Variants in ITPR2 observed in about 807,000 individuals in gnomAD.
ITPR2 encodes the protein inositol 1,4,5-trisphosphate-gated calcium channel ITPR2.
Under a neutral mutation model 317.1 loss-of-function variants are expected in ITPR2, and 207 were observed. The ratio of observed to expected loss-of-function variants is 0.65; its 90% CI spans 0.58 to 0.73. The LOEUF (loss-of-function observed/expected upper bound fraction) is 0.73. Ranked by LOEUF, ITPR2 falls within the 30% of genes least tolerant of loss-of-function variation. The pLI, the probability that ITPR2 is intolerant of heterozygous loss-of-function variation, is 0.00. For missense variants in ITPR2, 2,613 were observed against 3,284.0 expected, an observed-to-expected ratio of 0.80 and a Z score of 4.99; for synonymous variants, 1,156 against 1,149.1, an observed-to-expected ratio of 1.01 and a Z score of -0.12.
chr12:26,819,445 A>G (rs1398454182), intron 1 of ITPR2, among the ~76,000 whole-genome samples: 5 of 152,178 alleles, frequency 3.3e-5, no homozygotes, highest in Admixed American at 1.3e-4. Flanking sequence ...TTTTCCAAAC[A>G]CTTATTCTTG....
At chr12:26,348,368 C>T (rs1938371665) in intron 55 of ITPR2, among the ~76,000 whole-genome samples, 1 of 152,210 alleles carries the variant, frequency 6.6e-6, no homozygotes, top group Non-Finnish European at 1.5e-5. Context: ...TGTACCCCAG[C>T]ACCTCTGCTC....
At chr12:26,781,174 G>T (rs950986643) in intron 2 of ITPR2, among the ~76,000 whole-genome samples, 19 of 152,286 alleles carry the variant, frequency 1.2e-4, no homozygotes, top group African/African-American at 4.3e-4. Context: ...TGAAGGTTTG[G>T]GTTACTCCAC....
intron 39 of ITPR2, among the ~76,000 whole-genome samples, chr12:26,493,192 T>G (rs181308130): frequency 6.6e-6 from 1 of 152,254 alleles, no homozygotes; most frequent in East Asian, 1.9e-4. Flanking sequence ...AGCGTTGTTT[T>G]TGTCACCATG....
intron 37 of ITPR2, among the ~76,000 whole-genome samples, chr12:26,513,269 T>C (rs1339917256): frequency 6.6e-6 from 1 of 152,198 alleles, no homozygotes; most frequent in Non-Finnish European, 1.5e-5. Flanking sequence ...GAAAGCCATT[T>C]CCATCCTGCA....
At position 26,595,377 on chromosome 12, in the gene ITPR2, A is replaced by T. The variant is rs1945816606; in HGVS notation, c.4380+88T>A. ...GAATGCAACAAATCAAAAGGTAGTG[A>T]ATTTAACTGCAAGTTTTCATCCAGA... On this transcript the variant is annotated intron_variant, in intron 32 of 56. Transcript: ENST00000381340. 20 of 1,273,814 alleles carry T rather than the reference A, an allele frequency of 1.6e-5. No homozygotes were observed. In the Middle Eastern group the frequency reaches 5.6e-4, roughly 36 times the overall value. 78.9% of individuals were successfully genotyped at this position (1,273,814 alleles called of 1,614,324 possible).
At chr12:26,816,480 TG>T (rs1950854701) in intron 1 of ITPR2, among the ~76,000 whole-genome samples, 1 of 152,166 alleles carries the variant, frequency 6.6e-6, no homozygotes, top group Non-Finnish European at 1.5e-5. Flanking sequence ...CAAAAGCCCA[TG>T]TTAACTATAT....
Position 26,631,978 on chromosome 12 carries a change from A to G in ITPR2, c.2822T>C (p.Met941Thr). The G allele has an allele frequency of 1.2e-6, 2 of 1,613,650 alleles. No homozygotes were observed. The highest frequency in any genetic ancestry group is 4.5e-5 in the East Asian group (2 of 44,850). The change falls in exon 22 of 57, where the codon ATG (methionine) becomes ACG (threonine). Residue 941 changes from methionine (M) to threonine (T), a missense_variant. Physicochemically the swap from Met to Thr is moderately conservative, Grantham distance 81. Around this residue, in one of 9 missense-constraint regions of ITPR2, gnomAD observed 817 missense variants for 897.6 expected, o/e 0.91. Transcript: ENST00000381340. ...GCTGGGTGGCACATCCGGCACGCTC[A>G]TGGGGAAGATGGAGCCTCTACTGAG... ...MVLSRGSIFP[M>T]SVPDVPPSIH... is the part of the protein sequence containing the mutation.
At chr12:26,810,220 TC>T (rs1340070049) in intron 1 of ITPR2, among the ~76,000 whole-genome samples, 2 of 152,234 alleles carry the variant, frequency 1.3e-5, no homozygotes, top group Non-Finnish European at 2.9e-5. Context: ...ACTACCCCAT[TC>T]CTTTTTTAGT....
intron 37 of ITPR2, among the ~76,000 whole-genome samples, chr12:26,518,746 A>T (rs985184984): frequency 5.9e-5 from 9 of 152,154 alleles, no homozygotes; most frequent in Non-Finnish European, 4.4e-5. Context: ...AAATTTAACA[A>T]TTTTTTAAAA....
rs759277441 is a variant in ITPR2 at position 26,419,156 on chromosome 12, G to A, written c.7003C>T (p.Arg2335Cys). The change falls in exon 50 of 57, where the codon CGT becomes TGT. Residue 2335 changes from arginine (R) to cysteine (C), a missense_variant. Coordinates refer to ENST00000381340, the MANE Select transcript of ITPR2 (RefSeq NM_002223.4). ...SFVGNRGTFT[R>C]GYRAVILDMA... ...TCCAGGATGACTGCTCGGTACCCAC[G>A]GGTGAACGTGCCACGATTTCCAACA... 2.5e-6 allele frequency: 4 copies of A among 1,613,654 alleles called. No individual in the cohort carries two copies. The highest frequency in any genetic ancestry group is 2.5e-6 in the Non-Finnish European group (3 of 1,179,770).
chr12:26,523,537 A>T lies in ITPR2; in HGVS notation c.5073+26710T>A, dbSNP rs565670351. Among the ~76,000 whole-genome samples, 1,075 of 125,010 alleles carry T rather than the reference A, an allele frequency of 8.6e-3. 8 individuals carry two copies. The highest frequency in any genetic ancestry group is 0.035 in the Middle Eastern group (8 of 226). 82.0% of individuals were successfully genotyped at this position (125,010 alleles called of 152,430 possible). ...ATGGCAAAATCTTTTTTTTTTTTTTAAAAAGCCTACTGCTAACTGTCTGTA... is the reference window on the plus strand; with the variant it reads ...ATGGCAAAATCTTTTTTTTTTTTTTTAAAAGCCTACTGCTAACTGTCTGTA... On this transcript the variant is annotated intron_variant, in intron 37 of 56. Coordinates refer to ENST00000381340, the MANE Select transcript of ITPR2 (RefSeq NM_002223.4).
intron 10 of ITPR2, among the ~76,000 whole-genome samples, chr12:26,691,272 T>C (rs1948235118): frequency 6.6e-6 from 1 of 152,178 alleles, no homozygotes; most frequent in East Asian, 1.9e-4. Context: ...ACAATTCAGT[T>C]TAAAATTGTG....
chr12:26,726,887 G>A (rs1394380726), intron 2 of ITPR2, among the ~76,000 whole-genome samples: 3 of 152,122 alleles, frequency 2.0e-5, no homozygotes, highest in Admixed American at 1.3e-4. Flanking sequence ...AGACAATGAT[G>A]ATTTTTTTCT....
intron 49 of ITPR2, among the ~76,000 whole-genome samples, chr12:26,424,225 A>C (rs940838464): frequency 1.3e-5 from 2 of 152,206 alleles, no homozygotes; most frequent in Non-Finnish European, 2.9e-5. Flanking sequence ...CTTTTCAACT[A>C]TCCTAGCGAA....
At chr12:26,443,926 G>A (rs1036404836) in intron 45 of ITPR2, among the ~76,000 whole-genome samples, 1 of 152,130 alleles carries the variant, frequency 6.6e-6, no homozygotes, top group African/African-American at 2.4e-5. Flanking sequence ...AATTGACACT[G>A]TCTATAGTAA....
chr12:26,447,543 A>G (rs1295643606), intron 45 of ITPR2, among the ~76,000 whole-genome samples: 2 of 146,834 alleles, frequency 1.4e-5, no homozygotes, highest in African/African-American at 5.0e-5. Flanking sequence ...ATCAAGAAAT[A>G]TGCTTTGATG....
intron 9 of ITPR2, among the ~76,000 whole-genome samples, chr12:26,700,769 A>T (rs1238308570): frequency 6.6e-6 from 1 of 152,226 alleles, no homozygotes; most frequent in Non-Finnish European, 1.5e-5. Flanking sequence ...CAGTGGTCCA[A>T]GGAAGAGGTG....
Position 26,541,460 on chromosome 12 carries a change from C to T in ITPR2, c.5073+8787G>A, listed in dbSNP as rs575897163. ...ACTTATATTACAAAACAAATGTACT[C>T]ACCTCTAAAATGTATTTAATAAGAA... On this transcript the variant is annotated intron_variant, in intron 37 of 56. Coordinates refer to ENST00000381340, the MANE Select transcript of ITPR2 (RefSeq NM_002223.4). Among the ~76,000 whole-genome samples, 6 of 152,256 alleles carry T rather than the reference C, an allele frequency of 3.9e-5. No individual in the cohort carries two copies. In the South Asian group the frequency reaches 1.0e-3, roughly 26 times the overall value.
intron 1 of ITPR2, among the ~76,000 whole-genome samples, chr12:26,822,502 AAATAGTTCTT>A (rs72151948): frequency 0.11 from 16,861 of 152,140 alleles, 1,201 homozygotes; most frequent in East Asian, 0.32. Context: ...TAGTTCATTA[AAATAGTTCTT>A]AATAGTTCTT....
Sources: gnomAD v4.1 joint callset for allele counts (sites outside exome capture counted in the v4.1 genomes callset) on GRCh38, gnomAD v4.1.1 for gene constraint, gnomAD v4.1.1 regional missense constraint, MANE v1.5 for transcripts, NCBI Gene and HGNC (gene_info 2026-07-23, HGNC 2026-07-21) for gene names.